Variants in ABLIM3 observed in about 807,000 individuals in gnomAD.
ABLIM3 encodes actin binding LIM protein family member 3, also known as actin-binding LIM protein 3.
In ABLIM3, 61 loss-of-function variants were observed where a neutral mutation model predicts 109.5. That is an observed-to-expected ratio of 0.56 (90% CI 0.45 to 0.69). The LOEUF (loss-of-function observed/expected upper bound fraction) is 0.69. ABLIM3 is among the 30% of genes least tolerant of loss of function. The pLI, the probability that ABLIM3 is intolerant of heterozygous loss-of-function variation, is 0.00. For synonymous variants in ABLIM3, 300 were observed against 324.8 expected (o/e 0.92, Z 0.82); for missense variants, 796 against 889.5 (o/e 0.89, Z 1.34).
At chr5:149,253,521 T>A (rs1754139427) in intron 23 of ABLIM3, among the ~76,000 whole-genome samples, 1 of 152,164 alleles carries the variant, frequency 6.6e-6, no homozygotes, top group Non-Finnish European at 1.5e-5. Flanking sequence ...ACATATTGAG[T>A]ATGAAGTGCC....
intron 2 of ABLIM3, among the ~76,000 whole-genome samples, chr5:149,153,330 C>T (rs1364842058): frequency 6.6e-6 from 1 of 152,274 alleles, no homozygotes; most frequent in African/African-American, 2.4e-5. Context: ...TCCTGTGTTC[C>T]ATCTGTCACC....
At chr5:149,211,315 C>T (rs1759533958) in intron 7 of ABLIM3, among the ~76,000 whole-genome samples, 1 of 152,160 alleles carries the variant, frequency 6.6e-6, no homozygotes, top group Non-Finnish European at 1.5e-5. Context: ...TGATGTATGA[C>T]TCCTTCTGCA....
Position 149,256,551 on chromosome 5 carries a change from G to A in ABLIM3, c.1939-1740G>A, listed in dbSNP as rs146462586. 3.9e-5 allele frequency among the ~76,000 whole-genome samples: 6 copies of A among 152,314 alleles called. No homozygotes were observed. The East Asian group carries it at 1.2e-3, about 29-fold the overall frequency. ...ACTGTGAAAAGACATTTTCAAGACA[G>A]GAACTTTGTAATGGACAGGTATCAG... On this transcript the variant is annotated intron_variant, in intron 23 of 23. Transcript: ENST00000309868.
chr5:149,206,222 C>A (rs1360692159), intron 5 of ABLIM3, among the ~76,000 whole-genome samples: 1 of 152,210 alleles, frequency 6.6e-6, no homozygotes, highest in East Asian at 1.9e-4. Flanking sequence ...ATTCTCTTGG[C>A]CCCAACTCAC....
At chr5:149,240,038 T>C in intron 13 of ABLIM3, 150 bp downstream of exon 13, 1 of 1,130,954 alleles carries the variant, frequency 8.8e-7, no homozygotes, top group Non-Finnish European at 1.2e-6. Context: ...GGTGACCAGC[T>C]GGGCCTCTCT....
chr5:149,143,078 T>A (rs1223613073), intron 2 of ABLIM3, among the ~76,000 whole-genome samples: 1 of 152,120 alleles, frequency 6.6e-6, no homozygotes, highest in Non-Finnish European at 1.5e-5. Flanking sequence ...GAAAGCCTTC[T>A]AATCGGCCAG....
intron 7 of ABLIM3, among the ~76,000 whole-genome samples, chr5:149,211,080 A>C (rs1259418831): frequency 6.6e-6 from 1 of 152,196 alleles, no homozygotes; most frequent in East Asian, 1.9e-4. Flanking sequence ...TCGGACCCAG[A>C]CAGATTTCTA....
At chr5:149,236,932 C>T (rs140877046) in intron 10 of ABLIM3, among the ~76,000 whole-genome samples, 431 of 152,312 alleles carry the variant, frequency 2.8e-3, no homozygotes, top group African/African-American at 9.7e-3. Context: ...ATAATAAGTA[C>T]TCACCAAATG....
chr5:149,156,289 T>G (rs939322389), intron 2 of ABLIM3, among the ~76,000 whole-genome samples: 2 of 152,244 alleles, frequency 1.3e-5, no homozygotes, highest in East Asian at 1.9e-4. Context: ...TTATTAGCTG[T>G]GCCGCCTTCA....
intron 2 of ABLIM3, among the ~76,000 whole-genome samples, chr5:149,166,576 C>T (rs542120441): frequency 6.6e-6 from 1 of 152,306 alleles, no homozygotes; most frequent in South Asian, 2.1e-4. Flanking sequence ...TCTTTTTACC[C>T]CACCTGATGG....
intron 12 of ABLIM3, 47 bp from the exon 13 acceptor site, chr5:149,239,712 G>A: frequency 6.5e-7 from 1 of 1,533,634 alleles, no homozygotes; most frequent in Admixed American, 2.1e-5. Context: ...CGGGCCACAG[G>A]CCCACTTAAC....
At chr5:149,234,904 T>A (rs1443390915) in intron 10 of ABLIM3, among the ~76,000 whole-genome samples, 1 of 152,216 alleles carries the variant, frequency 6.6e-6, no homozygotes, top group Non-Finnish European at 1.5e-5. Flanking sequence ...CTGAGGGGCC[T>A]TGTAAACCTT....
intron 10 of ABLIM3, among the ~76,000 whole-genome samples, chr5:149,236,682 C>A (rs1422413468): frequency 6.6e-6 from 1 of 152,114 alleles, no homozygotes; most frequent in South Asian, 2.1e-4. Context: ...CTGAATGCAG[C>A]CTTCTGACGG....
chr5:149,203,324 C>T (rs1166082626), intron 5 of ABLIM3, among the ~76,000 whole-genome samples: 5 of 151,056 alleles, frequency 3.3e-5, no homozygotes, highest in South Asian at 4.2e-4. Context: ...ACTACTACCA[C>T]CATAACCACC....
intron 17 of ABLIM3, among the ~76,000 whole-genome samples, chr5:149,247,032 A>G (rs1307648051): frequency 6.6e-6 from 1 of 152,292 alleles, no homozygotes; most frequent in African/African-American, 2.4e-5. Flanking sequence ...CACGAAAGCT[A>G]AAATATGGAA....
rs1314925495 is a variant in ABLIM3, at chr5:149,244,873, C to A, written c.1352-8C>A. ...CTTCCTGAAGTGCTCTCCTTGGGTC[C>A]TCTGCAGGTGATTTGTCTACAGCAA... On this transcript the variant is annotated splice_region_variant and splice_polypyrimidine_tract_variant and intron_variant, in intron 15 of 23. Coordinates refer to ENST00000309868, the MANE Select transcript of ABLIM3 (RefSeq NM_014945.5). 1.2e-5 allele frequency: 20 copies of A among 1,614,040 alleles called. No individual in the cohort carries two copies. The highest frequency in any genetic ancestry group is 1.6e-5 in the Non-Finnish European group (19 of 1,180,038).
chr5:149,171,653 C>A (rs1043272731), intron 2 of ABLIM3, among the ~76,000 whole-genome samples: 6 of 152,176 alleles, frequency 3.9e-5, no homozygotes, highest in African/African-American at 7.2e-5. Context: ...TAGGATCTGA[C>A]AGCTTGTGTA....
chr5:149,184,050 G>A (rs1288037953), intron 3 of ABLIM3, among the ~76,000 whole-genome samples: 3 of 151,254 alleles, frequency 2.0e-5, no homozygotes, highest in Non-Finnish European at 4.4e-5. Flanking sequence ...AGGGAGAAGA[G>A]ACATCTTGAC....
chr5:149,176,071 T>C (rs1025333916), intron 2 of ABLIM3, among the ~76,000 whole-genome samples: 14 of 152,306 alleles, frequency 9.2e-5, no homozygotes, highest in African/African-American at 3.4e-4. Context: ...GCCCGGGCCA[T>C]CTGTGAAAGG....
Sources: gnomAD v4.1 joint callset for allele counts (sites outside exome capture counted in the v4.1 genomes callset) on GRCh38, gnomAD v4.1.1 for gene constraint, MANE v1.5 for transcripts, NCBI Gene and HGNC (gene_info 2026-07-23, HGNC 2026-07-21) for gene names.